SFMBT1: variants seen among roughly 807,000 people sequenced by gnomAD.
SFMBT1 encodes the protein scm-like with four MBT domains protein 1.
SFMBT1 carries 32 observed loss-of-function variants against 108.7 expected under a neutral mutation model. The observed-to-expected ratio is 0.29, with a 90% confidence interval of 0.22 to 0.40. The LOEUF is 0.40. Ranked by LOEUF, SFMBT1 falls within the 10% of genes least tolerant of loss-of-function variation. The probability of loss-of-function intolerance (pLI) is 1.00; values close to 1 mark genes in which losing one functional copy is unlikely to be tolerated. For synonymous variants in SFMBT1, 348 were observed against 369.5 expected (o/e 0.94, Z 0.67); for missense variants, 816 against 1,059.6 (o/e 0.77, Z 3.19).
At chr3:52,913,410 CTG>C (rs1702262706) in intron 15 of SFMBT1, 66 bp downstream of exon 15, 1 of 1,551,762 alleles carries the variant, frequency 6.4e-7, no homozygotes. Context: ...ATGTGGCTCC[CTG>C]TAGAAATGAC....
chr3:52,946,665 T>C (rs1326236135), intron 3 of SFMBT1, among the ~76,000 whole-genome samples: 2 of 152,222 alleles, frequency 1.3e-5, no homozygotes, highest in South Asian at 4.1e-4. Flanking sequence ...GCTTGTCCCT[T>C]GGTACATACA....
At chr3:53,045,612 C>A (rs1352807096) in intron 1 of SFMBT1, among the ~76,000 whole-genome samples, 2 of 141,634 alleles carry the variant, frequency 1.4e-5, no homozygotes, top group Admixed American at 1.4e-4. Flanking sequence ...CGCGCTCCCC[C>A]CGCCCCGCCC....
chr3:52,943,647 T>C, intron 3 of SFMBT1, 54 bp from the exon 4 acceptor site: 1 of 1,610,504 alleles, frequency 6.2e-7, no homozygotes, highest in Non-Finnish European at 8.5e-7. Context: ...TGAGTATTTC[T>C]TTGACCAATG....
chr3:53,021,222 A>G (rs1176491820), intron 1 of SFMBT1, among the ~76,000 whole-genome samples: 3 of 152,234 alleles, frequency 2.0e-5, no homozygotes, highest in Non-Finnish European at 2.9e-5. Context: ...CTTCTCTACA[A>G]CTAGTCTTGG....
intron 1 of SFMBT1, among the ~76,000 whole-genome samples, chr3:53,034,071 CAA>C (rs61046895): frequency 3.5e-5 from 1 of 28,698 alleles, no homozygotes; most frequent in Admixed American, 3.8e-4. Flanking sequence ...ACTCTGTCTC[CAA>C]AAAAAAAAAA....
At chr3:52,948,818 A>AT (rs1264618184) in intron 3 of SFMBT1, among the ~76,000 whole-genome samples, 1 of 48,896 alleles carries the variant, frequency 2.0e-5, no homozygotes, top group Non-Finnish European at 4.9e-5. Context: ...TGCCTGGCTA[A>AT]TTTTTAATTT....
intron 1 of SFMBT1, among the ~76,000 whole-genome samples, chr3:52,975,762 C>T (rs548905059): frequency 6.6e-5 from 10 of 152,194 alleles, no homozygotes; most frequent in South Asian, 2.1e-4. Context: ...CTACCACGCC[C>T]GGCTACTTTT....
At chr3:52,945,474 T>C (rs1302162395) in intron 3 of SFMBT1, among the ~76,000 whole-genome samples, 1 of 149,730 alleles carries the variant, frequency 6.7e-6, no homozygotes, top group Non-Finnish European at 1.5e-5. Context: ...AAAAAAAAGA[T>C]GGAAATAGAA....
Position 52,906,136 on chromosome 3 carries a change from A to T in SFMBT1, c.2437T>A (p.Leu813Ile). The change falls in exon 20 of 21, where the codon TTA becomes ATA. Residue 813 changes from leucine (L) to isoleucine (I), a missense_variant. Coordinates refer to ENST00000394752, the MANE Select transcript of SFMBT1 (RefSeq NM_016329.4). ...RFIRSTDCAP[L>I]ARIFLDQEID... ...ACCTGGTCTAGGAATATTCTTGCTA[A>T]TGGAGCACAGTCAGTGGATCTGATG... The T allele has an allele frequency of 6.2e-7, 1 of 1,614,170 alleles. No individual in the cohort carries two copies. The highest frequency in any genetic ancestry group is 8.5e-7 in the Non-Finnish European group (1 of 1,179,984).
chr3:52,959,258 G>A (rs1703883571), intron 2 of SFMBT1, among the ~76,000 whole-genome samples: 1 of 152,118 alleles, frequency 6.6e-6, no homozygotes. Context: ...TGCACATCCT[G>A]CACATGTATC....
In SFMBT1 at chr3:52,978,284, G is replaced by C. The variant is rs182682542; in HGVS notation, c.-130-9026C>G. On this transcript the variant is annotated intron_variant, in intron 1 of 20. Transcript: ENST00000394752. ...CCAGCAGAAAGGGCCTAAAGGGAGA[G>C]CATGTGAGAGTGAGCTATGTTCTAG... is the stretch of plus-strand genomic sequence containing the variant. Among the ~76,000 whole-genome samples, 117 of 152,060 alleles carry C rather than the reference G, an allele frequency of 7.7e-4. No individual in the cohort carries two copies. In the East Asian group the frequency reaches 0.017, roughly 22 times the overall value.
At chr3:52,946,962 A>G (rs1320466661) in intron 3 of SFMBT1, among the ~76,000 whole-genome samples, 3 of 151,706 alleles carry the variant, frequency 2.0e-5, no homozygotes, top group Non-Finnish European at 4.4e-5. Flanking sequence ...TGTAGCAACA[A>G]GGTTTCACCA....
intron 1 of SFMBT1, among the ~76,000 whole-genome samples, chr3:52,984,726 CTGTGTGTGTGTGTGTGTG>C (rs57308874): frequency 4.3e-5 from 6 of 140,198 alleles, no homozygotes; most frequent in East Asian, 4.1e-4. Context: ...ATACTAAATA[CTGTGTGTGTGTGTGTGTG>C]TGTGTGTGTG....
At position 52,904,909 on chromosome 3, in the gene SFMBT1, C is replaced by G. The variant is rs1702026903; in HGVS notation, c.*227G>C. ...CACAACCTTTATTTTTTAAAAACTG[C>G]CATCTGCTGAACAAGAGATGTCCAC... On this transcript the variant is annotated 3_prime_UTR_variant, in exon 21 of 21. Coordinates refer to ENST00000394752, the MANE Select transcript of SFMBT1 (RefSeq NM_016329.4). 2.2e-6 allele frequency: 1 copy of G among 444,646 alleles called. No individual in the cohort carries two copies. The allele number at this position is 444,646 out of a possible 1,614,324, so 27.5% of individuals were successfully genotyped here.
chr3:52,948,343 T>C (rs1448843609), intron 3 of SFMBT1, among the ~76,000 whole-genome samples: 1 of 152,140 alleles, frequency 6.6e-6, no homozygotes, highest in African/African-American at 2.4e-5. Flanking sequence ...ACTTGATATC[T>C]AGTACAGCAA....
At chr3:52,980,232 C>T (rs1253538752) in intron 1 of SFMBT1, among the ~76,000 whole-genome samples, 1 of 152,058 alleles carries the variant, frequency 6.6e-6, no homozygotes, top group Non-Finnish European at 1.5e-5. Context: ...CATAACTACA[C>T]AAAATTAAGT....
At chr3:52,996,079 A>C (rs1304320191) in intron 1 of SFMBT1, among the ~76,000 whole-genome samples, 2 of 149,470 alleles carry the variant, frequency 1.3e-5, no homozygotes, top group Non-Finnish European at 3.0e-5. Flanking sequence ...TCAAAAAAAA[A>C]CAAAACTTTT....
Position 52,907,640 on chromosome 3 carries a change from C to A in SFMBT1, c.2000G>T (p.Arg667Met). The A allele has an allele frequency of 6.2e-7, 1 of 1,614,220 alleles. No individual in the cohort carries two copies. Among genetic ancestry groups the A allele is most frequent in the South Asian group, 1.1e-5 (1 of 91,082 alleles). Residue 667 changes from arginine (R) to methionine (M), a missense_variant, in exon 18 of 21, where the codon AGG (arginine) becomes ATG (methionine). This residue lies in a region of SFMBT1 where 177 missense variants were observed against 182.0 expected (regional missense o/e 0.97). Transcript: ENST00000394752. Reference sequence around the variant, plus strand: ...AAAAACATTTTTCCGCCTCTTTCTCCTCTTACTGGCTTTTTTCAGGGCACA... The same window carrying A: ...AAAAACATTTTTCCGCCTCTTTCTCATCTTACTGGCTTTTTTCAGGGCACA... ...LACALKKASK[R>M]RKRRKNVFVH...
intron 1 of SFMBT1, among the ~76,000 whole-genome samples, chr3:53,020,530 A>G (rs2106941925): frequency 6.6e-6 from 1 of 152,332 alleles, no homozygotes; most frequent in East Asian, 1.9e-4. Context: ...CACAATTACT[A>G]GATTTTACTT....
Sources: allele counts gnomAD v4.1 joint callset (sites outside exome capture counted in the v4.1 genomes callset), GRCh38; gene constraint gnomAD v4.1.1; regional missense constraint gnomAD v4.1.1; transcripts MANE v1.5; gene names NCBI Gene and HGNC (gene_info 2026-07-23, HGNC 2026-07-21).